The following UBAP1 variants were observed in gnomAD, a reference collection of about 807,000 sequenced individuals.
UBAP1 encodes ubiquitin-associated protein 1.
In UBAP1, 5 loss-of-function variants were observed where a neutral mutation model predicts 39.0. That is an observed-to-expected ratio of 0.13 (90% CI 0.07 to 0.27). UBAP1 has a LOEUF of 0.27. Ranked by LOEUF, UBAP1 falls within the 10% of genes least tolerant of loss-of-function variation. The pLI, the probability that UBAP1 is intolerant of heterozygous loss-of-function variation, is 1.00. For missense variants in UBAP1, 490 were observed against 608.1 expected (o/e 0.81, Z 2.04); for synonymous variants, 211 against 225.1 (o/e 0.94, Z 0.56).
intron 4 of UBAP1, among the ~76,000 whole-genome samples, chr9:34,248,502 G>C (rs10117755): frequency 0.027 from 4,102 of 152,222 alleles, 187 homozygotes; most frequent in African/African-American, 0.094. Context: ...GTGGCTGTTG[G>C]TTTCTTTAGC....
intron 2 of UBAP1, among the ~76,000 whole-genome samples, chr9:34,228,121 C>T (rs1833196687): frequency 6.9e-6 from 1 of 144,906 alleles, no homozygotes; most frequent in Non-Finnish European, 1.5e-5. Context: ...AGAGCAAGAC[C>T]CTGTCTTAAA....
In UBAP1 at chr9:34,206,875, T is replaced by A. The variant is rs193190536; in HGVS notation, c.-7-14033T>A. Among the ~76,000 whole-genome samples the A allele has an allele frequency of 2.6e-5, 4 of 152,188 alleles. No individual in the cohort carries two copies. The East Asian group carries it at 7.7e-4, about 29-fold the overall frequency. On this transcript the variant is annotated intron_variant, in intron 1 of 6. Transcript: ENST00000297661. ...AAGCAGCTTTATTATATACCAAATG[T>A]TTATATTTTGGGTATTTTTAGGGAT... is the stretch of plus-strand genomic sequence containing the variant.
rs1053144015 is a variant in UBAP1 at position 34,209,804 on chromosome 9, T to C, written c.-7-11104T>C. Among the ~76,000 whole-genome samples the C allele has an allele frequency of 9.9e-5, 15 of 152,266 alleles. No individual in the cohort carries two copies. The South Asian group carries it at 2.1e-3, about 21-fold the overall frequency. ...GGTGCTTGTTGCATACCAGTTTTTTTCCCCCAATTACAAAGTATGTGTGTG... is the reference window on the plus strand; with the variant it reads ...GGTGCTTGTTGCATACCAGTTTTTTCCCCCCAATTACAAAGTATGTGTGTG... On this transcript the variant is annotated intron_variant, in intron 1 of 6. Transcript: ENST00000297661.
chr9:34,208,441 G>A (rs1474805878), intron 1 of UBAP1, among the ~76,000 whole-genome samples: 1 of 151,976 alleles, frequency 6.6e-6, no homozygotes, highest in Non-Finnish European at 1.5e-5. Flanking sequence ...TCAGGAGTTC[G>A]AGACCATCCT....
rs183003318 is a variant in UBAP1 at position 34,217,360 on chromosome 9, C to T, written c.-7-3548C>T. Among the ~76,000 whole-genome samples the T allele has an allele frequency of 4.6e-5, 7 of 152,056 alleles. No individual in the cohort carries two copies. The East Asian group carries it at 9.7e-4, about 21-fold the overall frequency. On this transcript the variant is annotated intron_variant, in intron 1 of 6. Transcript: ENST00000297661. ...CAAGTGATTCTTCTGCCTCAGCCTC[C>T]CAAGTAGTTGAGACTACAGGCATGT...
rs748707380 is a variant in UBAP1, at chr9:34,250,641, C to G, written c.1267-17C>G. On this transcript the variant is annotated splice_polypyrimidine_tract_variant and intron_variant, in intron 5 of 6. Transcript: ENST00000297661. ...AAGAGCAGCAGTAGGTGCTAAACCC[C>G]TTGTTTCTTTTCTTAGATTCTCGAC... 6.2e-7 allele frequency: 1 copy of G among 1,607,028 alleles called. No individual in the cohort carries two copies. Among genetic ancestry groups the G allele is most frequent in the Non-Finnish European group, 8.5e-7 (1 of 1,174,912 alleles).
chr9:34,249,864 C>T lies in UBAP1; in HGVS notation c.1169C>T (p.Pro390Leu). The T allele has an allele frequency of 4.3e-6, 7 of 1,614,188 alleles. No homozygotes were observed. The highest frequency in any genetic ancestry group is 3.3e-4 in the Middle Eastern group (2 of 6,062). ...TATTCTGAACTGCAGATGCTGTCCCCCAGCGAGCGGCAGTGTGTGGAGACG... is the reference window on the plus strand; with the variant it reads ...TATTCTGAACTGCAGATGCTGTCCCTCAGCGAGCGGCAGTGTGTGGAGACG... Reference protein sequence around the residue: ...QAYSELQMLSPSERQCVETVV... With the variant: ...QAYSELQMLSLSERQCVETVV... Residue 390 changes from proline (P) to leucine (L), a missense_variant, in exon 5 of 7, where the codon CCC becomes CTC. By Grantham distance (98) the Pro-to-Leu change is moderately conservative (BLOSUM62 -3). Coordinates refer to ENST00000297661, the MANE Select transcript of UBAP1 (RefSeq NM_016525.5).
chr9:34,190,449 C>T (rs1389612299), intron 1 of UBAP1, among the ~76,000 whole-genome samples: 1 of 151,974 alleles, frequency 6.6e-6, no homozygotes, highest in East Asian at 1.9e-4. Flanking sequence ...GCCACCATGC[C>T]TGGCTAAATT....
chr9:34,228,822 C>T (rs1375795857), intron 2 of UBAP1, among the ~76,000 whole-genome samples: 1 of 150,922 alleles, frequency 6.6e-6, no homozygotes, highest in East Asian at 1.9e-4. Context: ...CTTGAGTGAT[C>T]TATCCGCCTT....
rs3135929 is a variant in UBAP1, at chr9:34,251,954, G to T, written c.*422G>T. 25,517 of 161,796 alleles carry T rather than the reference G, an allele frequency of 0.16. 2,474 individuals are homozygous for T. Among genetic ancestry groups the T allele is most frequent in the South Asian group, 0.24 (1,281 of 5,348 alleles). 10.0% of individuals were successfully genotyped at this position (161,796 alleles called of 1,614,324 possible). On this transcript the variant is annotated 3_prime_UTR_variant, in exon 7 of 7. Coordinates refer to ENST00000297661, the MANE Select transcript of UBAP1 (RefSeq NM_016525.5). ...GCTTCCCCCTTCCCCTGAGACTGGTGGACTGAACTCCAGTCAAGTTGAGTT... is the reference window on the plus strand; with the variant it reads ...GCTTCCCCCTTCCCCTGAGACTGGTTGACTGAACTCCAGTCAAGTTGAGTT...
intron 2 of UBAP1, 136 bp downstream of exon 2, chr9:34,221,084 C>G: frequency 1.4e-6 from 1 of 737,920 alleles, no homozygotes; most frequent in Middle Eastern, 3.9e-4. Flanking sequence ...AGTTGTACAA[C>G]AATGTATCAA....
chr9:34,210,950 T>A (rs1057397902), intron 1 of UBAP1, among the ~76,000 whole-genome samples: 6 of 152,036 alleles, frequency 3.9e-5, no homozygotes, highest in African/African-American at 1.4e-4. Flanking sequence ...ATAATAAGAA[T>A]CATTTGAGAT....
intron 3 of UBAP1, among the ~76,000 whole-genome samples, chr9:34,237,156 AAAT>A (rs1463931692): frequency 2.0e-5 from 3 of 152,196 alleles, no homozygotes; most frequent in Non-Finnish European, 4.4e-5. Context: ...TGAAAGCAAC[AAAT>A]AGCCCTGTGT....
At chr9:34,217,639 AAG>A (rs1223077684) in intron 1 of UBAP1, among the ~76,000 whole-genome samples, 3 of 151,654 alleles carry the variant, frequency 2.0e-5, no homozygotes, top group African/African-American at 2.4e-5. Context: ...ACAAAAAAAA[AAG>A]CCTCTGCCTT....
intron 1 of UBAP1, among the ~76,000 whole-genome samples, chr9:34,187,218 T>C (rs1830454922): frequency 6.6e-6 from 1 of 152,182 alleles, no homozygotes; most frequent in Admixed American, 6.6e-5. Flanking sequence ...GGTTTGTGCT[T>C]GTTGTATCAA....
At chr9:34,211,020 A>C (rs1315709274) in intron 1 of UBAP1, among the ~76,000 whole-genome samples, 1 of 152,146 alleles carries the variant, frequency 6.6e-6, no homozygotes, top group African/African-American at 2.4e-5. Flanking sequence ...ATCAGTAAGA[A>C]AAAAAATGGG....
chr9:34,181,766 AAAATT>A (rs1830054044), intron 1 of UBAP1, among the ~76,000 whole-genome samples: 1 of 149,748 alleles, frequency 6.7e-6, no homozygotes, highest in Non-Finnish European at 1.5e-5. Context: ...GCAAAGGAAA[AAAATT>A]AAACTCTGTA....
chr9:34,195,778 G>GTA (rs765838017), intron 1 of UBAP1, among the ~76,000 whole-genome samples: 1 of 151,522 alleles, frequency 6.6e-6, no homozygotes, highest in Non-Finnish European at 1.5e-5. Context: ...TGTATTTTTA[G>GTA]TAGAGACGGG....
intron 1 of UBAP1, among the ~76,000 whole-genome samples, chr9:34,202,672 TG>T: frequency 6.9e-6 from 1 of 144,090 alleles, no homozygotes; most frequent in Non-Finnish European, 1.5e-5. Flanking sequence ...TGTGTGTGTG[TG>T]TGTGTCCCCG....
Sources: gnomAD v4.1 joint callset for allele counts (sites outside exome capture counted in the v4.1 genomes callset) on GRCh38, gnomAD v4.1.1 for gene constraint, MANE v1.5 for transcripts, NCBI Gene and HGNC (gene_info 2026-07-23, HGNC 2026-07-21) for gene names.